The following GNA14 variants were observed in gnomAD, a reference collection of about 807,000 sequenced individuals.
GNA14 encodes the protein G protein subunit alpha 14.
In GNA14, 50 loss-of-function variants were observed where a neutral mutation model predicts 42.0. That is an observed-to-expected ratio of 1.19 (90% confidence interval 0.95 to 1.51). The LOEUF is 1.51. Ranked by LOEUF, GNA14 falls within the 40% of genes most tolerant of loss-of-function variation. GNA14 has a pLI of 0.00. For missense variants in GNA14, 473 were observed against 446.2 expected (o/e 1.06, Z -0.54); for synonymous variants, 173 against 163.1 (o/e 1.06, Z -0.46).
At chr9:77,504,477 G>A (rs1198046075) in intron 2 of GNA14, among the ~76,000 whole-genome samples, 2 of 150,208 alleles carry the variant, frequency 1.3e-5, no homozygotes, top group Admixed American at 1.3e-4. Context: ...CCATAACCCA[G>A]TTATCAGCCT....
chr9:77,517,484 G>A (rs1478439268), intron 2 of GNA14: 1 of 151,754 alleles, frequency 6.6e-6, no homozygotes, highest in Non-Finnish European at 1.5e-5. Flanking sequence ...CAGGAAGAGG[G>A]TGAGGACGCA....
intron 2 of GNA14, among the ~76,000 whole-genome samples, chr9:77,491,273 A>G (rs1367357729): frequency 6.6e-6 from 1 of 152,242 alleles, no homozygotes; most frequent in East Asian, 1.9e-4. Flanking sequence ...AAGGTATAAA[A>G]TCCACTGATA....
intron 2 of GNA14, among the ~76,000 whole-genome samples, chr9:77,489,725 G>A (rs148133092): frequency 5.9e-4 from 90 of 152,140 alleles, no homozygotes; most frequent in African/African-American, 1.9e-3. Flanking sequence ...AAGGCAGCGC[G>A]TCTGGAGTTG....
intron 1 of GNA14, among the ~76,000 whole-genome samples, chr9:77,600,710 G>A (rs1022034512): frequency 1.3e-5 from 2 of 152,148 alleles, no homozygotes; most frequent in Non-Finnish European, 2.9e-5. Flanking sequence ...CTGAGGTCAG[G>A]AGTTCGAGAC....
At chr9:77,464,323 GTA>G (rs1340657902) in intron 2 of GNA14, among the ~76,000 whole-genome samples, 29 of 148,468 alleles carry the variant, frequency 2.0e-4, no homozygotes, top group East Asian at 1.8e-3. Context: ...GAGAGTGTGT[GTA>G]TATATATGTG....
At chr9:77,539,331 C>CATTCTTGT (rs1837632685) in intron 1 of GNA14, among the ~76,000 whole-genome samples, 1 of 152,080 alleles carries the variant, frequency 6.6e-6, no homozygotes, top group African/African-American at 2.4e-5. Flanking sequence ...TATGTTGGAC[C>CATTCTTGT]ATTCTTGTAT....
At chr9:77,428,071 CTTTTTTTTTTTCTT>C in intron 5 of GNA14, among the ~76,000 whole-genome samples, 1 of 130,686 alleles carries the variant, frequency 7.7e-6, no homozygotes, top group Non-Finnish European at 1.6e-5. Flanking sequence ...GGCATTTTTT[CTTTTTTTTTTTCTT>C]TTTTTTTTTT....
intron 6 of GNA14, among the ~76,000 whole-genome samples, chr9:77,424,633 A>T (rs973652648): frequency 2.0e-5 from 3 of 152,178 alleles, no homozygotes; most frequent in African/African-American, 7.2e-5. Context: ...GTATCTCATC[A>T]TGAACCCATA....
At chr9:77,456,366 T>C (rs931291577) in intron 2 of GNA14, 10 of 152,366 alleles carry the variant, frequency 6.6e-5, no homozygotes, top group Non-Finnish European at 1.0e-4. Flanking sequence ...ACACATGTTG[T>C]AAAGCCCAGA....
chr9:77,597,193 G>A (rs1403417137), intron 1 of GNA14, among the ~76,000 whole-genome samples: 1 of 152,158 alleles, frequency 6.6e-6, no homozygotes, highest in African/African-American at 2.4e-5. Context: ...GTTGAACAAT[G>A]TTACAGCTAT....
At chr9:77,486,115 T>C (rs552231373) in intron 2 of GNA14, among the ~76,000 whole-genome samples, 1 of 152,354 alleles carries the variant, frequency 6.6e-6, no homozygotes, top group African/African-American at 2.4e-5. Context: ...TCATCTATAT[T>C]GAAAATCTGT....
At chr9:77,480,583 C>G (rs1292552531) in intron 2 of GNA14, among the ~76,000 whole-genome samples, 1 of 152,140 alleles carries the variant, frequency 6.6e-6, no homozygotes, top group Non-Finnish European at 1.5e-5. Flanking sequence ...AGGGAGGGTT[C>G]CCTCTTTTTC....
At chr9:77,601,048 G>T (rs1663112) in intron 1 of GNA14, among the ~76,000 whole-genome samples, 70,225 of 152,156 alleles carry the variant, frequency 0.46, 17,482 homozygotes, top group East Asian at 0.6. Context: ...GTGGAGCTAC[G>T]GGAAGTTCGC....
intron 2 of GNA14, among the ~76,000 whole-genome samples, chr9:77,445,241 C>G (rs1835796710): frequency 6.6e-6 from 1 of 152,182 alleles, no homozygotes. Flanking sequence ...ACCAGACCAG[C>G]CTTTGCTACA....
Position 77,480,445 on chromosome 9 carries a change from C to T in GNA14, c.310-45923G>A, listed in dbSNP as rs571946362. On this transcript the variant is annotated intron_variant, in intron 2 of 6. Transcript: ENST00000341700. ...AAGCTTTTTGATGTGCTGCTGGATTCGGTTTGCCAGTATTTTATTGAGGAT... is the reference window on the plus strand; with the variant it reads ...AAGCTTTTTGATGTGCTGCTGGATTTGGTTTGCCAGTATTTTATTGAGGAT... 7.7e-3 allele frequency among the ~76,000 whole-genome samples: 1,176 copies of T among 152,210 alleles called. 13 individuals are homozygous for T. The highest frequency in any genetic ancestry group is 0.025 in the African/African-American group (1,028 of 41,528).
chr9:77,507,560 C>T (rs905666575), intron 2 of GNA14, among the ~76,000 whole-genome samples: 1 of 152,168 alleles, frequency 6.6e-6, no homozygotes, highest in Admixed American at 6.5e-5. Flanking sequence ...CATAAAAAAA[C>T]AGCTGTATTT....
intron 1 of GNA14, chr9:77,580,717 C>A: frequency 4.4e-6 from 1 of 227,120 alleles, no homozygotes; most frequent in Non-Finnish European, 9.6e-6. Context: ...AAATATCATA[C>A]ACAAATGAGC....
chr9:77,522,075 G>A (rs754463229), intron 2 of GNA14, among the ~76,000 whole-genome samples: 74 of 152,266 alleles, frequency 4.9e-4, no homozygotes, highest in African/African-American at 1.3e-3. Context: ...GACCTCAGGC[G>A]ATCTTCCTGC....
At chr9:77,577,728 C>T (rs528583828) in intron 1 of GNA14, among the ~76,000 whole-genome samples, 31 of 152,220 alleles carry the variant, frequency 2.0e-4, no homozygotes, top group African/African-American at 6.7e-4. Flanking sequence ...TCTGTAGAAT[C>T]GAGAAGGAGG....
Sources: allele counts gnomAD v4.1 joint callset (sites outside exome capture counted in the v4.1 genomes callset), GRCh38; gene constraint gnomAD v4.1.1; transcripts MANE v1.5; gene names NCBI Gene and HGNC (gene_info 2026-07-23, HGNC 2026-07-21).